The following OCA2 variants were observed in gnomAD, a reference collection of about 807,000 sequenced individuals.
OCA2 encodes P protein.
In OCA2, 77 loss-of-function variants were observed where a neutral mutation model predicts 100.2. The ratio of observed to expected loss-of-function variants is 0.77; its 90% CI spans 0.64 to 0.93. The LOEUF (loss-of-function observed/expected upper bound fraction) is 0.93. Ranked by LOEUF, OCA2 falls within the 40% of genes least tolerant of loss-of-function variation. The pLI is 0.00. For synonymous variants in OCA2, 432 were observed against 439.2 expected, an observed-to-expected ratio of 0.98 and a Z score of 0.21; for missense variants, 1,062 against 1,089.1, an observed-to-expected ratio of 0.98 and a Z score of 0.35.
chr15:27,908,976 T>A (rs1009429131), intron 19 of OCA2, among the ~76,000 whole-genome samples: 1 of 152,178 alleles, frequency 6.6e-6, no homozygotes, highest in African/African-American at 2.4e-5. Flanking sequence ...ACCTGGCAAG[T>A]AGACCTTTCT....
chr15:27,830,362 C>T (rs2034903166), intron 23 of OCA2, among the ~76,000 whole-genome samples: 1 of 152,156 alleles, frequency 6.6e-6, no homozygotes, highest in Non-Finnish European at 1.5e-5. Context: ...TCGCACCATA[C>T]ATAAGCATGC....
chr15:27,725,233 G>C, the OCA2 span, among the ~76,000 whole-genome samples: 1 of 152,174 alleles, frequency 6.6e-6, no homozygotes, highest in African/African-American at 2.4e-5. Flanking sequence ...TGGACCACAC[G>C]CCAACATGGG....
chr15:28,001,700 A>G (rs1396362387), intron 9 of OCA2, among the ~76,000 whole-genome samples: 2 of 152,234 alleles, frequency 1.3e-5, no homozygotes, highest in African/African-American at 4.8e-5. Flanking sequence ...GAAGGAAGAG[A>G]TGAAGGCACC....
At chr15:27,936,026 A>G (rs2039439016) in intron 18 of OCA2, among the ~76,000 whole-genome samples, 1 of 152,200 alleles carries the variant, frequency 6.6e-6, no homozygotes, top group Admixed American at 6.5e-5. Flanking sequence ...TGCATACCAT[A>G]TACAGTACAA....
intron 21 of OCA2, among the ~76,000 whole-genome samples, chr15:27,859,615 G>A (rs948860900): frequency 1.3e-5 from 2 of 152,066 alleles, no homozygotes; most frequent in Non-Finnish European, 1.5e-5. Flanking sequence ...TAATACCAAC[G>A]TTCCAAAAAC....
At chr15:27,891,722 A>G (rs1226652792) in intron 19 of OCA2, among the ~76,000 whole-genome samples, 1 of 152,240 alleles carries the variant, frequency 6.6e-6, no homozygotes, top group Non-Finnish European at 1.5e-5. Context: ...CCATGGATGC[A>G]AAAGCTATGG....
intron 23 of OCA2, among the ~76,000 whole-genome samples, chr15:27,838,294 A>C (rs2035228446): frequency 6.6e-6 from 1 of 152,216 alleles, no homozygotes. Context: ...TCATGTAAGA[A>C]ATGAAGATTA....
chr15:27,966,630 TAAAC>T, intron 15 of OCA2, 56 bp downstream of exon 15: 1 of 1,599,680 alleles, frequency 6.3e-7, no homozygotes, highest in African/African-American at 1.3e-5. Context: ...CTTCTCCTGG[TAAAC>T]AAACAATATT....
In OCA2 at chr15:27,865,887, C is replaced by G. The variant is rs532828974; in HGVS notation, c.2244+5267G>C. ...TACTCTCCTCGTCACTCCCTGGGTT[C>G]AGAGGGCTCCACAGCTGTGCAGTGT... is the stretch of plus-strand genomic sequence containing the variant. On this transcript the variant is annotated intron_variant, in intron 21 of 23. Transcript: ENST00000354638. 2.6e-5 allele frequency among the ~76,000 whole-genome samples: 4 copies of G among 152,300 alleles called. No homozygotes were observed. The East Asian group carries it at 7.7e-4, about 29-fold the overall frequency.
chr15:28,056,977 C>T (rs2043722052), intron 2 of OCA2, among the ~76,000 whole-genome samples: 1 of 152,250 alleles, frequency 6.6e-6, no homozygotes, highest in Admixed American at 6.5e-5. Flanking sequence ...CTCTCAGGCC[C>T]CCCTCCTAGT....
chr15:28,068,893 CCCTCATGATAAAAAT>C (rs1187967722), intron 2 of OCA2, among the ~76,000 whole-genome samples: 1 of 152,072 alleles, frequency 6.6e-6, no homozygotes, highest in African/African-American at 2.4e-5. Flanking sequence ...ATCCAACAGC[CCCTCATGATAAAAAT>C]CCTCAACAGA....
chr15:27,985,059 C>G lies in OCA2; in HGVS notation c.1364+5G>C. 1 of 1,613,774 alleles carries G rather than the reference C, an allele frequency of 6.2e-7. No individual in the cohort carries two copies. The highest frequency in any genetic ancestry group is 8.5e-7 in the Non-Finnish European group (1 of 1,179,838). On this transcript the variant is annotated splice_donor_5th_base_variant and intron_variant, in intron 13 of 23. Transcript: ENST00000354638. ...CAACTCCCACGGCAGAGGTGCTTTG[C>G]GTACCTTATGGTCACAGGCGTGAAG...
At chr15:28,094,775 C>T (rs1432146779) in intron 1 of OCA2, among the ~76,000 whole-genome samples, 2 of 152,206 alleles carry the variant, frequency 1.3e-5, no homozygotes, top group African/African-American at 2.4e-5. Context: ...CTCCGAGGCC[C>T]TCAACGCCCC....
intron 23 of OCA2, among the ~76,000 whole-genome samples, chr15:27,813,917 A>G (rs2034176298): frequency 6.6e-6 from 1 of 152,246 alleles, no homozygotes; most frequent in African/African-American, 2.4e-5. Flanking sequence ...TTTTATTGAT[A>G]CATAATAGAT....
At chr15:27,738,091 T>C in the OCA2 span, among the ~76,000 whole-genome samples, 1 of 152,214 alleles carries the variant, frequency 6.6e-6, no homozygotes, top group Non-Finnish European at 1.5e-5. Flanking sequence ...ATAATCTCTT[T>C]AGAAAACTAT....
intron 2 of OCA2, among the ~76,000 whole-genome samples, chr15:28,074,109 A>G (rs2044350778): frequency 1.3e-5 from 2 of 152,226 alleles, no homozygotes; most frequent in South Asian, 4.1e-4. Flanking sequence ...GGCAAGTGGC[A>G]TCGAATAGCC....
At chr15:27,834,589 C>T (rs2035078546) in intron 23 of OCA2, among the ~76,000 whole-genome samples, 1 of 152,142 alleles carries the variant, frequency 6.6e-6, no homozygotes, top group Non-Finnish European at 1.5e-5. Context: ...GAATTGAGGG[C>T]ACTGATGAGG....
At chr15:28,051,284 G>GGTTTT (rs376241892) in intron 2 of OCA2, among the ~76,000 whole-genome samples, 133 of 152,200 alleles carry the variant, frequency 8.7e-4, no homozygotes, top group African/African-American at 3.0e-3. Flanking sequence ...TTCCCTTTAT[G>GGTTTT]GTTTTGTTTT....
At chr15:27,858,440 A>G (rs933603173) in intron 21 of OCA2, among the ~76,000 whole-genome samples, 5 of 152,236 alleles carry the variant, frequency 3.3e-5, no homozygotes, top group African/African-American at 9.6e-5. Flanking sequence ...AACAGGATAC[A>G]TCTTACACAT....
Sources: gnomAD v4.1 joint callset for allele counts (sites outside exome capture counted in the v4.1 genomes callset) on GRCh38, gnomAD v4.1.1 for gene constraint, MANE v1.5 for transcripts, NCBI Gene and HGNC (gene_info 2026-07-23, HGNC 2026-07-21) for gene names.